The following USP12 variants were observed in gnomAD, a reference collection of about 807,000 sequenced individuals.
USP12 encodes ubiquitin specific peptidase 12.
In USP12, 19 loss-of-function variants were observed where a neutral mutation model predicts 45.5. The observed-to-expected ratio is 0.42, with a 90% confidence interval of 0.29 to 0.61. The LOEUF (loss-of-function observed/expected upper bound fraction) is 0.61, where lower values mean the gene tolerates loss of function less well. Among genes scored for constraint, USP12 ranks in the 20% least tolerant of loss-of-function variants. The pLI, the probability that USP12 is intolerant of heterozygous loss-of-function variation, is 0.22. For missense variants in USP12, 242 were observed against 447.7 expected (o/e 0.54, Z 4.15); for synonymous variants, 149 against 148.8 (o/e 1.00, Z -0.01).
intron 6 of USP12, among the ~76,000 whole-genome samples, chr13:27,080,626 G>C (rs1024673224): frequency 6.6e-6 from 1 of 152,158 alleles, no homozygotes; most frequent in Admixed American, 6.5e-5. Context: ...AGCTCCCAGC[G>C]TACTGTCACT....
At chr13:27,080,161 G>A (rs932613849) in intron 6 of USP12, among the ~76,000 whole-genome samples, 4 of 152,140 alleles carry the variant, frequency 2.6e-5, no homozygotes, top group African/African-American at 9.7e-5. Context: ...CAGGCAGGGA[G>A]GCAGGAGGCA....
intron 4 of USP12, among the ~76,000 whole-genome samples, chr13:27,095,080 AG>A (rs1874512838): frequency 6.6e-6 from 1 of 152,184 alleles, no homozygotes; most frequent in Non-Finnish European, 1.5e-5. Context: ...GCTTGAGCCC[AG>A]GAAGTCGAGG....
Position 27,075,205 on chromosome 13 carries a change from C to A in USP12, c.918G>T (p.Val306=). Residue 306 remains valine, a synonymous_variant, in exon 7 of 9, where the codon GTG becomes GTT. Coordinates refer to ENST00000282344, the MANE Select transcript of USP12 (RefSeq NM_182488.4). The part of the protein sequence containing the change: ...PDRMYDLVAV[V]VHCGSGPNRG... ...GTTGCAATTACCTTCCACAGTGAAC[C>A]ACAACAGCAACAAGGTCGTACATTC... 6.2e-7 allele frequency: 1 copy of A among 1,613,838 alleles called. No homozygotes were observed. The highest frequency in any genetic ancestry group is 1.1e-5 in the South Asian group (1 of 91,064).
chr13:27,158,056 G>A (rs747240454), intron 1 of USP12, among the ~76,000 whole-genome samples: 1 of 152,146 alleles, frequency 6.6e-6, no homozygotes, highest in Non-Finnish European at 1.5e-5. Context: ...ATAAAGGTAC[G>A]TTTAAGTCTT....
chr13:27,111,278 T>G (rs995863647), intron 2 of USP12, among the ~76,000 whole-genome samples: 1 of 152,226 alleles, frequency 6.6e-6, no homozygotes, highest in Admixed American at 6.5e-5. Context: ...TAATATTAAC[T>G]TTCATTCAAG....
intron 6 of USP12, among the ~76,000 whole-genome samples, chr13:27,085,994 C>T (rs566438239): frequency 1.5e-3 from 227 of 151,164 alleles, no homozygotes; most frequent in African/African-American, 5.2e-3. Context: ...AGCAAGAGCC[C>T]GTCTATAAAA....
intron 2 of USP12, among the ~76,000 whole-genome samples, chr13:27,106,567 A>G (rs1182835258): frequency 6.6e-6 from 1 of 152,370 alleles, no homozygotes; most frequent in East Asian, 1.9e-4. Context: ...CTATGAAACT[A>G]TAAAAAAGGA....
intron 7 of USP12, among the ~76,000 whole-genome samples, chr13:27,072,258 G>A (rs1196192720): frequency 1.3e-5 from 2 of 152,212 alleles, no homozygotes; most frequent in East Asian, 3.9e-4. Context: ...ATTATAAAAG[G>A]TGAAATAAAG....
chr13:27,107,930 T>C (rs1430736455), intron 2 of USP12, among the ~76,000 whole-genome samples: 1 of 151,970 alleles, frequency 6.6e-6, no homozygotes, highest in African/African-American at 2.4e-5. Context: ...TTTACACTGT[T>C]GGTGGGACTG....
intron 1 of USP12, among the ~76,000 whole-genome samples, chr13:27,149,139 C>T (rs986789382): frequency 6.6e-6 from 1 of 152,064 alleles, no homozygotes; most frequent in Non-Finnish European, 1.5e-5. Context: ...GACAAGATCA[C>T]AGCACTGCAC....
chr13:27,068,465 T>G lies in USP12; in HGVS notation c.*818A>C, dbSNP rs1295752547. The G allele has an allele frequency of 1.3e-5, 2 of 152,484 alleles. No individual in the cohort carries two copies. Among genetic ancestry groups the G allele is most frequent in the Non-Finnish European group, 2.9e-5 (2 of 68,030 alleles). 9.4% of individuals were successfully genotyped at this position (152,484 alleles called of 1,614,324 possible). ...TCAAGGTATCTTAACTGATTTCAGA[T>G]AGAAATTAAAATTCACCTTAAAAAT... On this transcript the variant is annotated 3_prime_UTR_variant, in exon 9 of 9. Coordinates refer to ENST00000282344, the MANE Select transcript of USP12 (RefSeq NM_182488.4).
At chr13:27,126,292 A>G (rs934071921) in intron 1 of USP12, among the ~76,000 whole-genome samples, 11 of 152,176 alleles carry the variant, frequency 7.2e-5, no homozygotes, top group Non-Finnish European at 1.5e-4. Context: ...TCAGGCAGCA[A>G]TATTTGCTGT....
At chr13:27,101,329 G>C (rs1340727729) in intron 3 of USP12, among the ~76,000 whole-genome samples, 3 of 152,164 alleles carry the variant, frequency 2.0e-5, no homozygotes, top group Non-Finnish European at 4.4e-5. Context: ...CCTGTGAACT[G>C]TATTATATTT....
chr13:27,105,953 GAAAA>G lies in USP12; in HGVS notation c.130-13_130-10del. The stretch of plus-strand genomic sequence containing the variant: ...TAGCAGGTATTCCCAAACTGCAACA[GAAAA>G]AAAAAAGTTTTGTTAAATTTAGGGC... On this transcript the variant is annotated splice_polypyrimidine_tract_variant and intron_variant, in intron 2 of 8. Coordinates refer to ENST00000282344, the MANE Select transcript of USP12 (RefSeq NM_182488.4). The G allele has an allele frequency of 6.7e-7, 1 of 1,497,298 alleles. No homozygotes were observed. Among genetic ancestry groups the G allele is most frequent in the Non-Finnish European group, 9.0e-7 (1 of 1,110,662 alleles). The allele number at this position is 1,497,298 out of a possible 1,614,324, so 92.8% of individuals were successfully genotyped here.
intron 8 of USP12, 28 bp downstream of exon 8, chr13:27,071,042 CA>C (rs1408272118): frequency 6.3e-7 from 1 of 1,576,032 alleles, no homozygotes; most frequent in African/African-American, 1.4e-5. Flanking sequence ...ATACAACTTT[CA>C]AAAATAAGAA....
Position 27,171,711 on chromosome 13 carries a change from G to T in USP12, c.-72C>A. 9.9e-7 allele frequency: 1 copy of T among 1,015,118 alleles called. No individual in the cohort carries two copies. The highest frequency in any genetic ancestry group is 1.2e-6 in the Non-Finnish European group (1 of 805,532). The allele number at this position is 1,015,118 out of a possible 1,614,324, so 62.9% of individuals were successfully genotyped here. A position where few individuals can be genotyped will look rare whatever the true frequency, so the allele number is the denominator to read the frequency against. On this transcript the variant is annotated 5_prime_UTR_variant, in exon 1 of 9. Transcript: ENST00000282344. ...GGGGAGGAGGGGAGCCGGGCCGCCC[G>T]CTCGCACCGCAGCCCGCGGGCGGAC... is the stretch of plus-strand genomic sequence containing the variant.
chr13:27,112,668 A>G (rs1309127900), intron 2 of USP12, among the ~76,000 whole-genome samples: 2 of 152,226 alleles, frequency 1.3e-5, no homozygotes, highest in Admixed American at 1.3e-4. Flanking sequence ...AAATTATAAT[A>G]GATCTGCCAC....
chr13:27,069,339 C>T lies in USP12; in HGVS notation c.1057G>A (p.Asp353Asn). 1 of 1,612,784 alleles carries T rather than the reference C, an allele frequency of 6.2e-7. No individual in the cohort carries two copies. Among genetic ancestry groups the T allele is most frequent in the Admixed American group, 1.7e-5 (1 of 60,016 alleles). Residue 353 changes from aspartate to asparagine, a missense_variant, in exon 9 of 9, where the codon GAT becomes AAT. By Grantham distance (23) the Asp-to-Asn change is conservative. Coordinates refer to ENST00000282344, the MANE Select transcript of USP12 (RefSeq NM_182488.4). ...AIEEFYGLTS[D>N]ISKNSESGYI... Reference sequence around the variant, plus strand: ...CCAGACTCAGAGTTCTTTGAGATATCTGATGTCAACCCGTAGAATTCTTCA... The same window carrying T: ...CCAGACTCAGAGTTCTTTGAGATATTTGATGTCAACCCGTAGAATTCTTCA...
At chr13:27,132,598 G>T (rs1876556680) in intron 1 of USP12, among the ~76,000 whole-genome samples, 2 of 152,162 alleles carry the variant, frequency 1.3e-5, no homozygotes, top group African/African-American at 2.4e-5. Flanking sequence ...GATGGTTAGT[G>T]TAAGTATCTC....
Sources: allele counts gnomAD v4.1 joint callset (sites outside exome capture counted in the v4.1 genomes callset), GRCh38; gene constraint gnomAD v4.1.1; transcripts MANE v1.5; gene names NCBI Gene and HGNC (gene_info 2026-07-23, HGNC 2026-07-21).